The following LDLRAD4 variants were observed in gnomAD, a reference collection of about 807,000 sequenced individuals.
LDLRAD4 encodes the protein low-density lipoprotein receptor class A domain-containing protein 4.
A neutral mutation model predicts 17.0 loss-of-function variants in LDLRAD4; 5 were observed. The ratio of observed to expected loss-of-function variants is 0.29; its 90% CI spans 0.15 to 0.62. The LOEUF is 0.62. Ranked by LOEUF, LDLRAD4 falls within the 20% of genes least tolerant of loss-of-function variation. The pLI is 0.84. For synonymous variants in LDLRAD4, 168 were observed against 171.8 expected, an observed-to-expected ratio of 0.98 and a Z score of 0.17; for missense variants, 340 against 424.7, an observed-to-expected ratio of 0.80 and a Z score of 1.75.
chr18:13,531,345 C>T (rs1200652763), intron 3 of LDLRAD4, among the ~76,000 whole-genome samples: 2 of 151,792 alleles, frequency 1.3e-5, no homozygotes, highest in African/African-American at 4.8e-5. Flanking sequence ...ATTATAGAAT[C>T]ACATCTATAA....
At chr18:13,259,987 C>T (rs942237984) in intron 1 of LDLRAD4, among the ~76,000 whole-genome samples, 1 of 152,234 alleles carries the variant, frequency 6.6e-6, no homozygotes. Context: ...GTCTGTCCAG[C>T]CTCGGTTCCC....
chr18:13,325,570 G>A (rs2187501), intron 1 of LDLRAD4, among the ~76,000 whole-genome samples: 1 of 151,632 alleles, frequency 6.6e-6, no homozygotes, highest in Non-Finnish European at 1.5e-5. Context: ...GCTTCCTGTG[G>A]ACTCCTCAGC....
intron 3 of LDLRAD4, among the ~76,000 whole-genome samples, chr18:13,506,453 C>T (rs1023234243): frequency 6.8e-6 from 1 of 147,078 alleles, no homozygotes; most frequent in Non-Finnish European, 1.5e-5. Context: ...TATTTCTTTG[C>T]TGCACTTTTA....
chr18:13,570,402 A>G (rs973969827), intron 3 of LDLRAD4, among the ~76,000 whole-genome samples: 9 of 152,228 alleles, frequency 5.9e-5, no homozygotes, highest in African/African-American at 2.2e-4. Flanking sequence ...GGCAGTTATC[A>G]GGGCCAGAGG....
chr18:13,322,958 C>T (rs1343574788), intron 1 of LDLRAD4, among the ~76,000 whole-genome samples: 9 of 152,154 alleles, frequency 5.9e-5, no homozygotes, highest in Admixed American at 5.9e-4. Flanking sequence ...GGCTGTACCC[C>T]TTACAGATGG....
intron 1 of LDLRAD4, among the ~76,000 whole-genome samples, chr18:13,261,647 G>T (rs769644791): frequency 6.6e-6 from 1 of 152,006 alleles, no homozygotes; most frequent in East Asian, 2.0e-4. Flanking sequence ...GGTTAGAAAC[G>T]TAGAGGTTGT....
intron 1 of LDLRAD4, among the ~76,000 whole-genome samples, chr18:13,351,587 T>C (rs911862642): frequency 6.6e-6 from 1 of 152,072 alleles, no homozygotes; most frequent in Non-Finnish European, 1.5e-5. Context: ...AATCCCTGAA[T>C]AGACCAATAA....
At chr18:13,357,767 A>G (rs1599649416) in intron 1 of LDLRAD4, among the ~76,000 whole-genome samples, 1 of 152,186 alleles carries the variant, frequency 6.6e-6, no homozygotes, top group Non-Finnish European at 1.5e-5. Flanking sequence ...TTGTAAGGAC[A>G]TGCTTCCCTT....
At chr18:13,513,110 A>G (rs1386641637) in intron 3 of LDLRAD4, among the ~76,000 whole-genome samples, 1 of 152,196 alleles carries the variant, frequency 6.6e-6, no homozygotes, top group African/African-American at 2.4e-5. Context: ...TAAGCTCCAT[A>G]AGTGTGCACA....
At chr18:13,330,178 C>CTCGA (rs2081775603) in intron 1 of LDLRAD4, among the ~76,000 whole-genome samples, 1 of 152,146 alleles carries the variant, frequency 6.6e-6, no homozygotes, top group South Asian at 2.1e-4. Context: ...CCAGGATGAT[C>CTCGA]TCGAGCTCCT....
At chr18:13,346,852 G>T (rs1480798558) in intron 1 of LDLRAD4, among the ~76,000 whole-genome samples, 1 of 152,120 alleles carries the variant, frequency 6.6e-6, no homozygotes, top group African/African-American at 2.4e-5. Flanking sequence ...TGTCTCTCTT[G>T]ATCTTTGTTG....
chr18:13,463,402 G>T (rs1040261150), intron 3 of LDLRAD4, among the ~76,000 whole-genome samples: 1 of 152,214 alleles, frequency 6.6e-6, no homozygotes, highest in South Asian at 2.1e-4. Flanking sequence ...GCACCTGCCT[G>T]ACGAAGGGAA....
chr18:13,470,745 C>G (rs2092747447), intron 3 of LDLRAD4: 1 of 151,672 alleles, frequency 6.6e-6, no homozygotes, highest in African/African-American at 2.4e-5. Context: ...GGGGTCAGTT[C>G]TGCTTCCCCA....
At chr18:13,310,367 A>AT (rs1304016790) in intron 1 of LDLRAD4, among the ~76,000 whole-genome samples, 5 of 151,980 alleles carry the variant, frequency 3.3e-5, no homozygotes, top group Non-Finnish European at 2.9e-5. Flanking sequence ...AAAAAAAAAA[A>AT]AGGGAGATAT....
chr18:13,532,028 T>G (rs1267859944), intron 3 of LDLRAD4, among the ~76,000 whole-genome samples: 1 of 152,086 alleles, frequency 6.6e-6, no homozygotes, highest in Admixed American at 6.5e-5. Context: ...GTCCCCTGCC[T>G]GGTGGTCATG....
At chr18:13,636,841 A>G (rs2042128843) in intron 4 of LDLRAD4, among the ~76,000 whole-genome samples, 1 of 150,494 alleles carries the variant, frequency 6.6e-6, no homozygotes, top group Non-Finnish European at 1.5e-5. Flanking sequence ...CTTGTCGCCC[A>G]GGCTGAAGTA....
intron 1 of LDLRAD4, among the ~76,000 whole-genome samples, chr18:13,305,917 C>CAAA (rs2046886679): frequency 6.6e-6 from 1 of 152,026 alleles, no homozygotes; most frequent in African/African-American, 2.4e-5. Flanking sequence ...TGAGAAAAAG[C>CAAA]AAAGTCGTTA....
chr18:13,395,139 T>G (rs1347307921), intron 2 of LDLRAD4, among the ~76,000 whole-genome samples: 1 of 152,094 alleles, frequency 6.6e-6, no homozygotes, highest in African/African-American at 2.4e-5. Flanking sequence ...GTGCACTCTT[T>G]ACCACACTGA....
At chr18:13,561,761 T>C (rs1410284274) in intron 3 of LDLRAD4, 1 of 152,184 alleles carries the variant, frequency 6.6e-6, no homozygotes, top group African/African-American at 2.4e-5. Flanking sequence ...AAATATACAA[T>C]AATTTATGCT....
Sources: allele counts gnomAD v4.1 joint callset (sites outside exome capture counted in the v4.1 genomes callset), GRCh38; gene constraint gnomAD v4.1.1; transcripts MANE v1.5; gene names NCBI Gene and HGNC (gene_info 2026-07-23, HGNC 2026-07-21).